The following CHL1 variants were observed in gnomAD, a reference collection of about 807,000 sequenced individuals.
The protein encoded by CHL1 is cell adhesion molecule L1 like.
CHL1 carries 96 observed loss-of-function variants against 141.9 expected under a neutral mutation model. That is an observed-to-expected ratio of 0.68 (90% CI 0.57 to 0.80). The LOEUF (loss-of-function observed/expected upper bound fraction) is 0.80. Among genes scored for constraint, CHL1 ranks in the 30% least tolerant of loss-of-function variants. The pLI, the probability that CHL1 is intolerant of heterozygous loss-of-function variation, is 0.00. For synonymous variants in CHL1, 613 were observed against 502.2 expected (o/e 1.22, Z -2.95); for missense variants, 1,820 against 1,457.2 (o/e 1.25, Z -4.05).
chr3:218,385 G>T (rs1700515187), intron 1 of CHL1, among the ~76,000 whole-genome samples: 3 of 152,132 alleles, frequency 2.0e-5, no homozygotes, highest in Admixed American at 6.5e-5. Flanking sequence ...GCATGATAAT[G>T]GTATCAAATG....
chr3:369,858 T>C (rs750627774), intron 15 of CHL1, among the ~76,000 whole-genome samples: 12 of 152,254 alleles, frequency 7.9e-5, no homozygotes, highest in Non-Finnish European at 1.2e-4. Flanking sequence ...GAGATAATCA[T>C]GTGGATTTTG....
chr3:341,574 G>T (rs1036437755), intron 6 of CHL1, among the ~76,000 whole-genome samples: 2 of 152,102 alleles, frequency 1.3e-5, no homozygotes, highest in Admixed American at 6.6e-5. Flanking sequence ...GTGTTAATTA[G>T]GTCATTGTCT....
chr3:317,984 C>T (rs991292559), intron 2 of CHL1, among the ~76,000 whole-genome samples: 4 of 151,874 alleles, frequency 2.6e-5, no homozygotes, highest in Admixed American at 6.6e-5. Context: ...CTGAAGCATA[C>T]ATGAGTCATT....
chr3:362,012 T>C (rs1459113819), intron 13 of CHL1, among the ~76,000 whole-genome samples: 1 of 152,188 alleles, frequency 6.6e-6, no homozygotes, highest in Non-Finnish European at 1.5e-5. Flanking sequence ...TTTTCTCACA[T>C]AGAGACATAC....
At chr3:382,337 A>C (rs1707151691) in intron 17 of CHL1, 57 bp downstream of exon 17, 17 of 1,527,292 alleles carry the variant, frequency 1.1e-5, no homozygotes, top group Non-Finnish European at 1.5e-5. Context: ...ATTAATAGCG[A>C]AGTCACTTTT....
chr3:276,325 A>G (rs186208465), intron 2 of CHL1, among the ~76,000 whole-genome samples: 5 of 152,328 alleles, frequency 3.3e-5, no homozygotes, highest in Admixed American at 3.3e-4. Context: ...GAAGGTTGGG[A>G]TTGTCACAAC....
chr3:403,029 T>G (rs1161020033), intron 27 of CHL1, among the ~76,000 whole-genome samples: 1 of 152,210 alleles, frequency 6.6e-6, no homozygotes, highest in African/African-American at 2.4e-5. Flanking sequence ...AGCAAGGTTT[T>G]GACCAGGGCT....
chr3:305,093 T>C (rs758543331), intron 2 of CHL1, among the ~76,000 whole-genome samples: 7 of 152,178 alleles, frequency 4.6e-5, no homozygotes, highest in Non-Finnish European at 1.0e-4. Context: ...ATCATATCTC[T>C]AGAGTTATAA....
rs111662831 is a variant in CHL1 at position 332,139 on chromosome 3, T to C, written c.385+3785T>C. Among the ~76,000 whole-genome samples, 160 of 152,280 alleles carry C rather than the reference T, an allele frequency of 1.1e-3. 1 individual carries two copies. The highest frequency in any genetic ancestry group is 3.6e-3 in the African/African-American group (150 of 41,548). Reference sequence around the variant, plus strand: ...GATTTGTGGTCACATTGTTTATATTTAAAAATATGCTGGAAAAAATACAGC... The same window carrying C: ...GATTTGTGGTCACATTGTTTATATTCAAAAATATGCTGGAAAAAATACAGC... On this transcript the variant is annotated intron_variant, in intron 5 of 27. Coordinates refer to ENST00000256509, the MANE Select transcript of CHL1 (RefSeq NM_006614.4).
intron 2 of CHL1, among the ~76,000 whole-genome samples, chr3:260,443 G>T (rs1694612315): frequency 6.6e-6 from 1 of 152,202 alleles, no homozygotes; most frequent in Middle Eastern, 3.4e-3. Context: ...CATAAAATTT[G>T]CTATAATGTA....
chr3:239,600 A>ATATATATATATG (rs1559319508), intron 1 of CHL1, among the ~76,000 whole-genome samples: 9 of 136,468 alleles, frequency 6.6e-5, no homozygotes, highest in Non-Finnish European at 1.5e-4. Context: ...TATATAAAAT[A>ATATATATATATG]TATATATTTT....
At chr3:277,406 A>G (rs372789989) in intron 2 of CHL1, among the ~76,000 whole-genome samples, 2 of 152,230 alleles carry the variant, frequency 1.3e-5, no homozygotes, top group South Asian at 2.1e-4. Context: ...ATAATATTCT[A>G]TATCTGTAAA....
intron 19 of CHL1, among the ~76,000 whole-genome samples, chr3:388,556 A>T (rs1177830411): frequency 6.6e-6 from 1 of 152,106 alleles, no homozygotes; most frequent in African/African-American, 2.4e-5. Flanking sequence ...TCAAGAAAAA[A>T]AAAAAAAAAA....
At chr3:233,189 T>A (rs1360957362) in intron 1 of CHL1, among the ~76,000 whole-genome samples, 1 of 152,224 alleles carries the variant, frequency 6.6e-6, no homozygotes. Flanking sequence ...TATCTGAGCA[T>A]GACACCTAGG....
intron 16 of CHL1, 28 bp from the exon 17 acceptor site, chr3:382,151 C>G (rs1466529603): frequency 2.5e-6 from 4 of 1,573,620 alleles, no homozygotes; most frequent in South Asian, 1.1e-5. Flanking sequence ...AGGCAATTAT[C>G]TACATTTTCC....
At chr3:231,326 A>C (rs1198347841) in intron 1 of CHL1, among the ~76,000 whole-genome samples, 1 of 151,894 alleles carries the variant, frequency 6.6e-6, no homozygotes, top group East Asian at 1.9e-4. Flanking sequence ...TTTTACGTTA[A>C]CACCACCACC....
At chr3:396,767 G>T (rs1167844906) in intron 24 of CHL1, among the ~76,000 whole-genome samples, 1 of 152,012 alleles carries the variant, frequency 6.6e-6, no homozygotes, top group Non-Finnish European at 1.5e-5. Flanking sequence ...AGTTGACACT[G>T]ATTTCTATTC....
At chr3:343,602 G>A (rs1001359630) in intron 8 of CHL1, among the ~76,000 whole-genome samples, 3 of 152,148 alleles carry the variant, frequency 2.0e-5, no homozygotes, top group African/African-American at 7.2e-5. Flanking sequence ...GAGTAAATCT[G>A]AGTTGTATAG....
At chr3:217,426 A>C (rs1700419417) in intron 1 of CHL1, 1 of 152,218 alleles carries the variant, frequency 6.6e-6, no homozygotes, top group Non-Finnish European at 1.5e-5. Flanking sequence ...AATGTTAGCC[A>C]ATAAATAAAT....
Sources: allele counts gnomAD v4.1 joint callset (sites outside exome capture counted in the v4.1 genomes callset), GRCh38; gene constraint gnomAD v4.1.1; transcripts MANE v1.5; gene names NCBI Gene and HGNC (gene_info 2026-07-23, HGNC 2026-07-21).